HDDC2: variants seen among roughly 807,000 people sequenced by gnomAD.
The protein encoded by HDDC2 is 5'-deoxynucleotidase HDDC2.
Under a neutral mutation model 25.5 loss-of-function variants are expected in HDDC2, and 25 were observed. The ratio of observed to expected loss-of-function variants is 0.98; its 90% confidence interval spans 0.72 to 1.37. The LOEUF (loss-of-function observed/expected upper bound fraction) is 1.37, where lower values mean the gene tolerates loss of function less well. Ranked by LOEUF, HDDC2 falls within the 40% of genes most tolerant of loss-of-function variation. The probability of loss-of-function intolerance (pLI) is 0.00; values close to 1 mark genes in which losing one functional copy is unlikely to be tolerated. For synonymous variants in HDDC2, 106 were observed against 89.7 expected (o/e 1.18, Z -1.03); for missense variants, 264 against 253.1 (o/e 1.04, Z -0.29).
chr6:125,295,922 T>C (rs1270200437), intron 3 of HDDC2, among the ~76,000 whole-genome samples: 2 of 152,186 alleles, frequency 1.3e-5, no homozygotes, highest in Non-Finnish European at 2.9e-5. Context: ...TATGTTAATA[T>C]GTTTAGGAAT....
rs759608235 is a variant in HDDC2 at position 125,298,753 on chromosome 6, T to G, written c.270A>C (p.Ala90=). 6.2e-7 allele frequency: 1 copy of G among 1,614,176 alleles called. No individual in the cohort carries two copies. Among genetic ancestry groups the G allele is most frequent in the Admixed American group, 1.7e-5 (1 of 60,032 alleles). The change falls in exon 3 of 6, where the codon GCA becomes GCC. Residue 90 remains alanine (A), a synonymous_variant. Transcript: ENST00000398153. ...AECIVGDIAP[A]DNIPKEEKHR... is the part of the protein sequence containing the mutation. The stretch of plus-strand genomic sequence containing the variant: ...GTTTTTCTTCTTTGGGGATGTTATC[T>G]GCTGGTGCTATGTCCCCAACGATGC...
chr6:125,296,260 A>G (rs377419126), intron 3 of HDDC2, among the ~76,000 whole-genome samples: 8 of 152,336 alleles, frequency 5.3e-5, no homozygotes, highest in African/African-American at 1.9e-4. Flanking sequence ...ATATACAAAT[A>G]CGACACCATT....
intron 4 of HDDC2, among the ~76,000 whole-genome samples, chr6:125,282,869 T>A (rs1043880085): frequency 2.6e-5 from 4 of 152,172 alleles, no homozygotes; most frequent in Admixed American, 6.5e-5. Context: ...AATCCTAGTC[T>A]CTGATAAAAC....
intron 4 of HDDC2, among the ~76,000 whole-genome samples, chr6:125,282,495 T>C (rs151021733): frequency 0.019 from 2,929 of 152,316 alleles, 90 homozygotes; most frequent in African/African-American, 0.067. Context: ...AGGCCTGCCT[T>C]ACAAGAGCTC....
chr6:125,282,037 GCCA>G (rs1798466747), intron 4 of HDDC2, among the ~76,000 whole-genome samples: 1 of 152,194 alleles, frequency 6.6e-6, no homozygotes, highest in East Asian at 1.9e-4. Flanking sequence ...GAGAGTGGGG[GCCA>G]ATACTCAACA....
chr6:125,279,425 A>G (rs748345492), intron 4 of HDDC2: 2 of 152,204 alleles, frequency 1.3e-5, no homozygotes, highest in Non-Finnish European at 2.9e-5. Flanking sequence ...CCAGGAGGAC[A>G]TCTCTAAAAG....
In HDDC2 at chr6:125,276,687, C is replaced by T. The variant is rs186932958; in HGVS notation, c.517+415G>A. The stretch of plus-strand genomic sequence containing the variant: ...GGGCTAGGCTGGCTCATGATGTAAA[C>T]AAGGATGCAGGTGTCTCTCTTGTAA... On this transcript the variant is annotated intron_variant, in intron 5 of 5. Coordinates refer to ENST00000398153, the MANE Select transcript of HDDC2 (RefSeq NM_016063.3). The T allele has an allele frequency of 1.3e-4, 30 of 237,626 alleles. No homozygotes were observed. In the Admixed American group the frequency reaches 1.5e-3, roughly 12 times the overall value. The allele number at this position is 237,626 out of a possible 1,614,324, so 14.7% of individuals were successfully genotyped here.
chr6:125,280,617 G>T (rs796294868), intron 4 of HDDC2, among the ~76,000 whole-genome samples: 5 of 152,220 alleles, frequency 3.3e-5, no homozygotes, highest in African/African-American at 1.2e-4. Context: ...CCAACTGGGC[G>T]GAGCCCACCA....
At chr6:125,298,280 C>A (rs574995208) in intron 3 of HDDC2, among the ~76,000 whole-genome samples, 10 of 152,132 alleles carry the variant, frequency 6.6e-5, no homozygotes, top group Non-Finnish European at 8.8e-5. Flanking sequence ...AATTACCTAG[C>A]CTCGGGTATT....
intron 4 of HDDC2, among the ~76,000 whole-genome samples, chr6:125,287,807 G>A (rs1449082147): frequency 6.6e-6 from 1 of 152,212 alleles, no homozygotes; most frequent in South Asian, 2.1e-4. Context: ...AGAAAACCAG[G>A]AGAGGGCAAT....
At chr6:125,296,248 T>C (rs940632659) in intron 3 of HDDC2, among the ~76,000 whole-genome samples, 1 of 152,158 alleles carries the variant, frequency 6.6e-6, no homozygotes, top group African/African-American at 2.4e-5. Flanking sequence ...TATGTGCAGG[T>C]GATATACAAA....
chr6:125,289,512 AAAC>A (rs1436815564), intron 4 of HDDC2, among the ~76,000 whole-genome samples: 9 of 138,150 alleles, frequency 6.5e-5, no homozygotes, highest in African/African-American at 2.8e-4. Context: ...AAACAAAACA[AAAC>A]AAAAAAAACA....
chr6:125,276,101 GA>G lies in HDDC2; in HGVS notation c.*44del, dbSNP rs113530993. ...TGGCAAAACACAATACAATGAAATGGAAAAATAATGTTTGTTACAGGAGTGC... is the reference window on the plus strand; with the variant it reads ...TGGCAAAACACAATACAATGAAATGGAAAATAATGTTTGTTACAGGAGTGC... On this transcript the variant is annotated 3_prime_UTR_variant, in exon 6 of 6. Coordinates refer to ENST00000398153, the MANE Select transcript of HDDC2 (RefSeq NM_016063.3). 214,958 of 1,339,478 alleles carry G rather than the reference GA, an allele frequency of 0.16. 19,013 individuals are homozygous for G. The highest frequency in any genetic ancestry group is 0.31 in the African/African-American group (21,222 of 69,280). The allele number at this position is 1,339,478 out of a possible 1,614,324, so 83.0% of individuals were successfully genotyped here.
chr6:125,292,191 A>G (rs981782342), intron 4 of HDDC2, among the ~76,000 whole-genome samples: 1 of 152,200 alleles, frequency 6.6e-6, no homozygotes, highest in Non-Finnish European at 1.5e-5. Context: ...TGGCTGGAAG[A>G]GAGAAACTGT....
intron 4 of HDDC2, chr6:125,277,500 G>T: frequency 2.6e-6 from 1 of 384,468 alleles, no homozygotes; most frequent in South Asian, 7.4e-5. Context: ...GTTCATCTTA[G>T]GTACTTTCAA....
chr6:125,300,480 C>T (rs1186129190), intron 2 of HDDC2, 58 bp downstream of exon 2: 10 of 1,561,310 alleles, frequency 6.4e-6, no homozygotes, highest in Non-Finnish European at 6.9e-6. Context: ...GTAGTAAAAA[C>T]GGGTGCACAC....
chr6:125,278,630 T>C (rs1480233924), intron 4 of HDDC2: 1 of 152,194 alleles, frequency 6.6e-6, no homozygotes, highest in Non-Finnish European at 1.5e-5. Context: ...GGAGAAATTA[T>C]TGCAAGTAGC....
intron 1 of HDDC2, among the ~76,000 whole-genome samples, chr6:125,300,876 T>C (rs532711629): frequency 1.3e-5 from 2 of 150,016 alleles, no homozygotes; most frequent in Admixed American, 1.3e-4. Context: ...CAGAGAGAGA[T>C]AAGTCACAAA....
chr6:125,276,517 T>C (rs1798371955), intron 5 of HDDC2: 1 of 426,494 alleles, frequency 2.3e-6, no homozygotes, highest in South Asian at 4.0e-5. Flanking sequence ...TTCACCAGGC[T>C]CCTCAGTGCC....
Sources: allele counts gnomAD v4.1 joint callset (sites outside exome capture counted in the v4.1 genomes callset), GRCh38; gene constraint gnomAD v4.1.1; transcripts MANE v1.5; gene names NCBI Gene and HGNC (gene_info 2026-07-23, HGNC 2026-07-21).